CPM: variants seen among roughly 807,000 people sequenced by gnomAD.
CPM encodes the protein renal carboxypeptidase.
Under a neutral mutation model 46.4 loss-of-function variants are expected in CPM, and 35 were observed. The observed-to-expected ratio is 0.75, with a 90% CI of 0.58 to 1.00. CPM has a LOEUF of 1.00. Among genes scored for constraint, CPM ranks in the 50% least tolerant of loss-of-function variants. The pLI is 0.00. For missense variants in CPM, 422 were observed against 530.4 expected (o/e 0.80, Z 2.01); for synonymous variants, 195 against 195.3 (o/e 1.00, Z 0.01).
At chr12:68,957,859 A>C (rs1161152923) in intron 1 of CPM, among the ~76,000 whole-genome samples, 2 of 126,034 alleles carry the variant, frequency 1.6e-5, no homozygotes, top group African/African-American at 3.1e-5. Context: ...ACCCCCTGAC[A>C]GGCCCCAGTG....
rs549573758 is a variant in CPM at position 68,858,709 on chromosome 12, AG to A, written c.1089+213del. Reference sequence around the variant, plus strand: ...CTTCCATTTTTTAAAAATTGCCATCAGGGAAAAAATATGAATTTTTGTGGTT... The same window carrying A: ...CTTCCATTTTTTAAAAATTGCCATCAGGAAAAAATATGAATTTTTGTGGTT... On this transcript the variant is annotated intron_variant, in intron 8 of 8. Coordinates refer to ENST00000551568, the MANE Select transcript of CPM (RefSeq NM_198320.5). Among the ~76,000 whole-genome samples, 544 of 149,802 alleles carry A rather than the reference AG, an allele frequency of 3.6e-3. 10 individuals carry two copies. The highest frequency in any genetic ancestry group is 0.013 in the African/African-American group (521 of 40,288).
chr12:68,906,072 T>G (rs1194803394), intron 2 of CPM, among the ~76,000 whole-genome samples: 1 of 152,224 alleles, frequency 6.6e-6, no homozygotes, highest in Non-Finnish European at 1.5e-5. Context: ...ACCCTTGCAG[T>G]GCACCAGGCT....
At position 68,851,694 on chromosome 12, in the gene CPM, G is replaced by C. The variant is rs1490170796; in HGVS notation, c.*4743C>G. ...AACATCTATAAAAGGCAATGGAGTA[G>C]TTCATATGCAAAAGTATGATAAAAT... is the stretch of plus-strand genomic sequence containing the variant. On this transcript the variant is annotated 3_prime_UTR_variant, in exon 9 of 9. Coordinates refer to ENST00000551568, the MANE Select transcript of CPM (RefSeq NM_198320.5). 1 of 152,008 alleles carries C rather than the reference G, an allele frequency of 6.6e-6. No homozygotes were observed. The highest frequency in any genetic ancestry group is 2.4e-5 in the African/African-American group (1 of 41,398). The allele number at this position is 152,008 out of a possible 1,614,324, so 9.4% of individuals were successfully genotyped here. A position where few individuals can be genotyped will look rare whatever the true frequency, so the allele number is the denominator to read the frequency against.
chr12:68,897,276 T>C (rs1251803315), intron 2 of CPM, among the ~76,000 whole-genome samples: 5 of 151,948 alleles, frequency 3.3e-5, no homozygotes. Flanking sequence ...TTTAGGTTTT[T>C]TTTTTTTTTT....
intron 1 of CPM, among the ~76,000 whole-genome samples, chr12:68,943,547 A>T (rs938902241): frequency 6.6e-6 from 1 of 152,196 alleles, no homozygotes; most frequent in Non-Finnish European, 1.5e-5. Context: ...ATTTGTGATA[A>T]TTTACAATTA....
Position 68,948,610 on chromosome 12 carries a change from C to T in CPM, c.-4+14559G>A, listed in dbSNP as rs553171424. On this transcript the variant is annotated intron_variant, in intron 1 of 8. Transcript: ENST00000546373. ...AATTGGGTTTTAAAATCCAAGTTAG[C>T]GTAACCCCCAGTCAGAATGAAGCTT... Among the ~76,000 whole-genome samples, 6 of 152,160 alleles carry T rather than the reference C, an allele frequency of 3.9e-5. No individual in the cohort carries two copies. In the East Asian group the frequency reaches 9.7e-4, roughly 25 times the overall value.
At chr12:68,947,757 G>C (rs2136333717) in intron 1 of CPM, among the ~76,000 whole-genome samples, 1 of 152,068 alleles carries the variant, frequency 6.6e-6, no homozygotes, top group African/African-American at 2.4e-5. Context: ...GGCTCCTACT[G>C]CCTCAGCCCC....
Position 68,899,008 on chromosome 12 carries a change from A to G in CPM, c.161-13119T>C, listed in dbSNP as rs1192314328. Among the ~76,000 whole-genome samples, 4 of 152,194 alleles carry G rather than the reference A, an allele frequency of 2.6e-5. 1 individual carries two copies. The highest frequency in any genetic ancestry group is 9.7e-5 in the African/African-American group (4 of 41,442). The stretch of plus-strand genomic sequence containing the variant: ...CTAGCAGATGATGTAGTATCAGACC[A>G]ATTAAAGACAAATTTTCAATATAAA... On this transcript the variant is annotated intron_variant, in intron 2 of 8. Transcript: ENST00000551568.
rs1376867143 is a variant in CPM at position 68,856,652 on chromosome 12, T to C, written c.1117A>G (p.Ile373Val). 8 of 1,614,102 alleles carry C rather than the reference T, an allele frequency of 5.0e-6. No individual in the cohort carries two copies. The highest frequency in any genetic ancestry group is 6.8e-6 in the Non-Finnish European group (8 of 1,180,020). Reference protein sequence around the residue: ...NVTVPGHDPHITKVIIPEKSQ... With the variant: ...NVTVPGHDPHVTKVIIPEKSQ... ...TTCTCCGGAATAATCACCTTTGTGA[T>C]GTGTGGATCATGTCCAGGGACTGTA... is the stretch of plus-strand genomic sequence containing the variant. Residue 373 changes from isoleucine to valine, a missense_variant, in exon 9 of 9, where the codon ATC becomes GTC. By Grantham distance (29) the Ile-to-Val change is conservative. Transcript: ENST00000551568.
intron 1 of CPM, among the ~76,000 whole-genome samples, chr12:68,963,005 G>GAA (rs1246447526): frequency 6.6e-6 from 1 of 152,176 alleles, no homozygotes; most frequent in African/African-American, 2.4e-5. Flanking sequence ...ACAAAGTCGT[G>GAA]GCCTGACCAC....
chr12:68,880,220 G>C (rs1369226586), intron 3 of CPM, among the ~76,000 whole-genome samples: 1 of 152,130 alleles, frequency 6.6e-6, no homozygotes, highest in Non-Finnish European at 1.5e-5. Flanking sequence ...CAAATAATGT[G>C]TGTGCCTGGA....
intron 1 of CPM, among the ~76,000 whole-genome samples, chr12:68,941,197 GTGTGTGTA>G (rs900328570): frequency 4.8e-4 from 73 of 151,408 alleles, no homozygotes; most frequent in African/African-American, 1.5e-3. Context: ...GTGTGTGTGT[GTGTGTGTA>G]TATAAAGCTA....
intron 8 of CPM, among the ~76,000 whole-genome samples, chr12:68,856,901 T>C (rs1281666965): frequency 1.4e-4 from 21 of 152,102 alleles, no homozygotes; most frequent in African/African-American, 3.9e-4. Flanking sequence ...AATTACAAAA[T>C]GAAATAAGGA....
chr12:68,921,203 C>T (rs531402716), intron 2 of CPM, among the ~76,000 whole-genome samples: 8 of 145,712 alleles, frequency 5.5e-5, no homozygotes, highest in South Asian at 2.2e-4. Context: ...GGTGTGATCT[C>T]GGCTCTCAGC....
intron 2 of CPM, among the ~76,000 whole-genome samples, chr12:68,896,896 A>G (rs1422781066): frequency 9.2e-5 from 14 of 151,792 alleles, no homozygotes; most frequent in Admixed American, 9.2e-4. Flanking sequence ...AATTAGGGAC[A>G]GTTACGTTTT....
At chr12:68,874,213 G>A (rs1211786559) in intron 3 of CPM, among the ~76,000 whole-genome samples, 1 of 152,148 alleles carries the variant, frequency 6.6e-6, no homozygotes, top group Non-Finnish European at 1.5e-5. Context: ...AGATATAATA[G>A]GTTTTTGAAG....
chr12:68,910,014 G>T (rs1299719150), intron 2 of CPM, among the ~76,000 whole-genome samples: 1 of 151,320 alleles, frequency 6.6e-6, no homozygotes, highest in East Asian at 1.9e-4. Flanking sequence ...AGAAGAAGAA[G>T]AAGAGGAAGA....
chr12:68,920,624 G>C (rs7979694), intron 2 of CPM, among the ~76,000 whole-genome samples: 10,450 of 151,892 alleles, frequency 0.069, 764 homozygotes, highest in African/African-American at 0.18. Context: ...GAGTATAGAG[G>C]GGGGAAAAGA....
chr12:68,896,155 C>T (rs1039540535), intron 2 of CPM, among the ~76,000 whole-genome samples: 1 of 152,152 alleles, frequency 6.6e-6, no homozygotes, highest in African/African-American at 2.4e-5. Flanking sequence ...AATACCTGCT[C>T]TTTCTTCTGC....
Sources: allele counts gnomAD v4.1 joint callset (sites outside exome capture counted in the v4.1 genomes callset), GRCh38; gene constraint gnomAD v4.1.1; transcripts MANE v1.5; gene names NCBI Gene and HGNC (gene_info 2026-07-23, HGNC 2026-07-21).